TMEM230: variants seen among roughly 807,000 people sequenced by gnomAD.
The protein encoded by TMEM230 is transmembrane protein 230.
TMEM230 carries 10 observed loss-of-function variants against 15.8 expected under a neutral mutation model. That is an observed-to-expected ratio of 0.63 (90% CI 0.39 to 1.07). TMEM230 has a LOEUF of 1.07. Among genes scored for constraint, TMEM230 ranks in the 50% least tolerant of loss-of-function variants. The pLI is 0.01. For synonymous variants in TMEM230, 67 were observed against 76.9 expected (o/e 0.87, Z 0.68); for missense variants, 165 against 193.3 (o/e 0.85, Z 0.87).
At chr20:5,085,895 A>C (rs983118470) in intron 3 of TMEM230, among the ~76,000 whole-genome samples, 4 of 152,080 alleles carry the variant, frequency 2.6e-5, no homozygotes, top group African/African-American at 9.7e-5. Context: ...CCTCTTAGCC[A>C]TAAGAAAGCA....
At chr20:5,108,669 T>A (rs2090189713) in intron 3 of TMEM230, among the ~76,000 whole-genome samples, 1 of 152,180 alleles carries the variant, frequency 6.6e-6, no homozygotes, top group Non-Finnish European at 1.5e-5. Context: ...TATTTATTTA[T>A]AAAGGATGGT....
intron 3 of TMEM230, among the ~76,000 whole-genome samples, chr20:5,080,891 G>T (rs761939519): frequency 5.9e-5 from 9 of 152,174 alleles, no homozygotes; most frequent in Non-Finnish European, 1.2e-4. Context: ...TCTATACCAG[G>T]TTACACACTG....
chr20:5,109,231 A>G, intron 3 of TMEM230, 101 bp downstream of exon 2: 1 of 874,376 alleles, frequency 1.1e-6, no homozygotes. Context: ...TGCTCCTTCT[A>G]ATCCCCAAGG....
At chr20:5,111,844 T>C in intron 1 of TMEM230, 2 of 952,980 alleles carry the variant, frequency 2.1e-6, no homozygotes, top group Non-Finnish European at 2.5e-6. Context: ...TTTTCTTTTT[T>C]TTTGGTGTTT....
intron 3 of TMEM230, among the ~76,000 whole-genome samples, chr20:5,107,277 G>C (rs1676009996): frequency 6.6e-6 from 1 of 152,144 alleles, no homozygotes; most frequent in Admixed American, 6.5e-5. Context: ...CTCCAGCCTG[G>C]GTGACAGAGC....
chr20:5,094,306 A>G (rs2089600310), intron 3 of TMEM230, among the ~76,000 whole-genome samples: 1 of 151,626 alleles, frequency 6.6e-6, no homozygotes, highest in African/African-American at 2.4e-5. Flanking sequence ...AGTCCAGTGG[A>G]CCATCACAGG....
downstream of TMEM230, among the ~76,000 whole-genome samples, chr20:5,095,798 T>C (rs987655482): frequency 1.2e-4 from 19 of 152,130 alleles, no homozygotes; most frequent in African/African-American, 4.3e-4. Flanking sequence ...GCATTTCAAA[T>C]TTCCCAAGTG....
In TMEM230 at chr20:5,106,260, A is replaced by C. The variant is rs374402629; in HGVS notation, c.339T>G (p.Thr113=). The stretch of plus-strand genomic sequence containing the variant: ...GAAAGGCGCCAATCAAAAACAGCAC[A>C]GTGGCAAGTGCGATGGCCTTATAAG... The change falls in exon 4 of 5, where the codon ACT becomes ACG. Residue 113 remains threonine, a synonymous_variant. Transcript: ENST00000342308. 74 of 1,614,032 alleles carry C rather than the reference A, an allele frequency of 4.6e-5. No homozygotes were observed. The highest frequency in any genetic ancestry group is 1.3e-4 in the Admixed American group (8 of 59,980).
At chr20:5,077,831 TA>T (rs11477792) in intron 3 of TMEM230, among the ~76,000 whole-genome samples, 7,769 of 142,638 alleles carry the variant, frequency 0.054, 564 homozygotes, top group African/African-American at 0.18. Flanking sequence ...AAGACTCAAC[TA>T]AAAAAAAAAA....
intron 4 of TMEM230, among the ~76,000 whole-genome samples, chr20:5,104,340 G>A (rs1242507242): frequency 5.3e-5 from 8 of 152,192 alleles, no homozygotes; most frequent in Admixed American, 3.3e-4. Context: ...GACTACAGGC[G>A]TGAGCCACTG....
Position 5,113,001 on chromosome 20 carries a change from C to T in TMEM230, c.28G>A (p.Gly10Ser), listed in dbSNP as rs1430270730. ...GGCCGCCCGCACACCCAGAGCTCGC[C>T]CACGGTTGGCAGCGCCCAAGGTTGC... is the stretch of plus-strand genomic sequence containing the variant. Residue 10 changes from glycine (G) to serine (S), a missense_variant, in exon 1 of 5, where the codon GGC becomes AGC. Physicochemically the swap from Gly to Ser is moderately conservative, Grantham distance 56. An upstream open reading frame in the 5' UTR gains an earlier in-frame stop. Transcript: ENST00000342308. 7 of 1,550,552 alleles carry T rather than the reference C, an allele frequency of 4.5e-6. No individual in the cohort carries two copies. The highest frequency in any genetic ancestry group is 6.1e-6 in the Non-Finnish European group (7 of 1,147,548).
intron 3 of TMEM230, among the ~76,000 whole-genome samples, chr20:5,073,555 G>T (rs1403505400): frequency 2.0e-5 from 3 of 152,206 alleles, no homozygotes; most frequent in African/African-American, 7.2e-5. Context: ...AGGCTGCCTG[G>T]GCCCTGGATG....
chr20:5,100,120 C>A lies in TMEM230; in HGVS notation c.*671G>T, dbSNP rs1300808478. ...GCCGTTAAAGGAATAATCTGCAGAA[C>A]ATCTTGATTTACAAGGGACAAAATG... On this transcript the variant is annotated 3_prime_UTR_variant, in exon 5 of 5. Coordinates refer to ENST00000342308, the MANE Select transcript of TMEM230 (RefSeq NM_001009923.2). 2 of 985,262 alleles carry A rather than the reference C, an allele frequency of 2.0e-6. No individual in the cohort carries two copies. Among genetic ancestry groups the A allele is most frequent in the African/African-American group, 3.5e-5 (2 of 57,226 alleles). The allele number at this position is 985,262 out of a possible 1,614,324, so 61.0% of individuals were successfully genotyped here. A position where few individuals can be genotyped will look rare whatever the true frequency, so the allele number is the denominator to read the frequency against.
chr20:5,092,411 T>C (rs1026067188), intron 3 of TMEM230, among the ~76,000 whole-genome samples: 16 of 152,080 alleles, frequency 1.1e-4, no homozygotes, highest in African/African-American at 3.9e-4. Context: ...TCAGTAAATG[T>C]AATACACACG....
chr20:5,109,354 T>C lies in TMEM230; in HGVS notation c.266A>G (p.Asp89Gly). 2 of 1,613,048 alleles carry C rather than the reference T, an allele frequency of 1.2e-6. No individual in the cohort carries two copies. Among genetic ancestry groups the C allele is most frequent in the African/African-American group, 1.3e-5 (1 of 75,026 alleles). The change falls in exon 3 of 5, where the codon GAC becomes GGC. Residue 89 changes from aspartate to glycine, a missense_variant. Transcript: ENST00000342308. ...TACCTGAAGGTCAATGTAGCCATCG[T>C]CTGTGCTGGAGAGCCTTGAATATTT...
intron 4 of TMEM230, 29 bp downstream of exon 3, chr20:5,106,159 A>G: frequency 6.2e-7 from 1 of 1,600,058 alleles, no homozygotes; most frequent in Non-Finnish European, 8.5e-7. Context: ...AAAATCTCAC[A>G]ACTTATTCCC....
At chr20:5,070,202 G>A (rs537349601) in intron 3 of TMEM230, among the ~76,000 whole-genome samples, 4 of 152,202 alleles carry the variant, frequency 2.6e-5, no homozygotes, top group East Asian at 3.9e-4. Flanking sequence ...TGGAAAGGCC[G>A]TGCATCAACT....
At chr20:5,072,754 C>G (rs1449730646) in intron 3 of TMEM230, among the ~76,000 whole-genome samples, 1 of 141,766 alleles carries the variant, frequency 7.1e-6, no homozygotes, top group Non-Finnish European at 1.5e-5. Context: ...GAGGCTGAGG[C>G]AAGAGAATTG....
chr20:5,103,922 A>T (rs2089972330), intron 4 of TMEM230, among the ~76,000 whole-genome samples: 1 of 152,184 alleles, frequency 6.6e-6, no homozygotes, highest in Non-Finnish European at 1.5e-5. Context: ...CAAGCAACCA[A>T]AACAAAAACA....
Sources: gnomAD v4.1 joint callset for allele counts (sites outside exome capture counted in the v4.1 genomes callset) on GRCh38, gnomAD v4.1.1 for gene constraint, MANE v1.5 for transcripts, NCBI Gene and HGNC (gene_info 2026-07-23, HGNC 2026-07-21) for gene names.